The following SGMS1 variants were observed in gnomAD, a reference collection of about 807,000 sequenced individuals.
SGMS1 encodes the protein sphingomyelin synthase 1.
SGMS1 carries 13 observed loss-of-function variants against 46.2 expected under a neutral mutation model. The ratio of observed to expected loss-of-function variants is 0.28; its 90% CI spans 0.18 to 0.45. The LOEUF (loss-of-function observed/expected upper bound fraction) is 0.45. Ranked by LOEUF, SGMS1 falls within the 20% of genes least tolerant of loss-of-function variation. The pLI is 1.00. For missense variants in SGMS1, 324 were observed against 519.9 expected (o/e 0.62, Z 3.66); for synonymous variants, 203 against 187.8 (o/e 1.08, Z -0.66).
intron 1 of SGMS1, among the ~76,000 whole-genome samples, chr10:50,617,003 G>T (rs1043361021): frequency 1.3e-5 from 2 of 152,020 alleles, no homozygotes; most frequent in Non-Finnish European, 2.9e-5. Flanking sequence ...AAATAACCAA[G>T]TCAAAGTATA....
Position 50,343,977 on chromosome 10 carries a change from T to C in SGMS1, c.138A>G (p.Lys46=). Residue 46 remains lysine (K), a synonymous_variant, in exon 7 of 11, where the codon AAA becomes AAG. Transcript: ENST00000361781. ...LINLTQEDFK[K]PPLCRVSSDN... Reference sequence around the variant, plus strand: ...CAGAGGAGACTCGGCACAAGGGGGGTTTTTTGAAATCCTCTTGGGTTAGGT... The same window carrying C: ...CAGAGGAGACTCGGCACAAGGGGGGCTTTTTGAAATCCTCTTGGGTTAGGT... 6.2e-7 allele frequency: 1 copy of C among 1,612,280 alleles called. No homozygotes were observed. The highest frequency in any genetic ancestry group is 8.5e-7 in the Non-Finnish European group (1 of 1,179,342).
chr10:50,411,172 C>T (rs1849093220), intron 6 of SGMS1, among the ~76,000 whole-genome samples: 1 of 152,024 alleles, frequency 6.6e-6, no homozygotes, highest in South Asian at 2.1e-4. Context: ...GAAGGAGGGA[C>T]CTCTTGAAAA....
chr10:50,350,709 G>C (rs897342997), intron 6 of SGMS1, among the ~76,000 whole-genome samples: 2 of 152,188 alleles, frequency 1.3e-5, no homozygotes, highest in African/African-American at 4.8e-5. Flanking sequence ...TCCCCATTGT[G>C]TTGAGCCTGC....
chr10:50,442,757 G>T (rs534998397), intron 5 of SGMS1, among the ~76,000 whole-genome samples: 12 of 152,240 alleles, frequency 7.9e-5, no homozygotes, highest in South Asian at 2.1e-4. Flanking sequence ...ATAGATTCTG[G>T]ATATTAGACC....
At chr10:50,498,195 A>G (rs1837631469) in intron 3 of SGMS1, among the ~76,000 whole-genome samples, 1 of 152,234 alleles carries the variant, frequency 6.6e-6, no homozygotes, top group Admixed American at 6.5e-5. Context: ...GGAGGGGATC[A>G]TGGTAACTTA....
At chr10:50,375,734 T>G (rs912230219) in intron 6 of SGMS1, among the ~76,000 whole-genome samples, 1 of 152,204 alleles carries the variant, frequency 6.6e-6, no homozygotes. Context: ...CAAACACTAG[T>G]GTGCCCAGAT....
chr10:50,352,753 C>T (rs534736692), intron 6 of SGMS1, among the ~76,000 whole-genome samples: 96 of 152,184 alleles, frequency 6.3e-4, no homozygotes, highest in Non-Finnish European at 7.2e-4. Flanking sequence ...TAAAAAGTTT[C>T]TTAAAATTAT....
At chr10:50,615,009 C>T (rs750006358) in intron 1 of SGMS1, among the ~76,000 whole-genome samples, 4 of 152,248 alleles carry the variant, frequency 2.6e-5, no homozygotes, top group Admixed American at 1.3e-4. Flanking sequence ...GCCAAAAGGT[C>T]TAATCAGAAC....
chr10:50,521,254 T>C (rs1837854656), intron 2 of SGMS1, among the ~76,000 whole-genome samples: 1 of 152,206 alleles, frequency 6.6e-6, no homozygotes, highest in Admixed American at 6.5e-5. Flanking sequence ...AGGTACTTTT[T>C]ACCCAGATTC....
intron 3 of SGMS1, among the ~76,000 whole-genome samples, chr10:50,475,088 C>A (rs1837408465): frequency 6.6e-6 from 1 of 152,104 alleles, no homozygotes. Context: ...TCCAGAATAT[C>A]CAAGTCAATA....
At chr10:50,561,618 C>G (rs9919413) in intron 2 of SGMS1, among the ~76,000 whole-genome samples, 6 of 152,152 alleles carry the variant, frequency 3.9e-5, no homozygotes, top group Non-Finnish European at 7.4e-5. Flanking sequence ...CCACAGACAC[C>G]GATTACAGAC....
intron 3 of SGMS1, among the ~76,000 whole-genome samples, chr10:50,507,863 C>T (rs1837721022): frequency 6.6e-6 from 1 of 152,142 alleles, no homozygotes; most frequent in Admixed American, 6.5e-5. Flanking sequence ...ACCCTAATAC[C>T]CTGGAATGGC....
chr10:50,471,228 T>A (rs886068538), intron 3 of SGMS1, among the ~76,000 whole-genome samples: 1 of 152,158 alleles, frequency 6.6e-6, no homozygotes, highest in Non-Finnish European at 1.5e-5. Context: ...ACCAAGTGCC[T>A]TTGCTTAATG....
intron 1 of SGMS1, among the ~76,000 whole-genome samples, chr10:50,611,309 T>C (rs1472757606): frequency 6.6e-6 from 1 of 152,194 alleles, no homozygotes; most frequent in Non-Finnish European, 1.5e-5. Flanking sequence ...CCTGTACTAC[T>C]GTGGACACAC....
At chr10:50,349,871 A>G (rs1847976949) in intron 6 of SGMS1, among the ~76,000 whole-genome samples, 1 of 152,220 alleles carries the variant, frequency 6.6e-6, no homozygotes, top group South Asian at 2.1e-4. Context: ...CTTTATCAGC[A>G]GCATGAAAAC....
chr10:50,568,785 C>T (rs1226241913), intron 2 of SGMS1, among the ~76,000 whole-genome samples: 1 of 152,218 alleles, frequency 6.6e-6, no homozygotes, highest in Non-Finnish European at 1.5e-5. Flanking sequence ...AGTACACCAA[C>T]GTGTCATTTC....
At chr10:50,568,793 T>C (rs1288293138) in intron 2 of SGMS1, among the ~76,000 whole-genome samples, 1 of 152,222 alleles carries the variant, frequency 6.6e-6, no homozygotes, top group Non-Finnish European at 1.5e-5. Context: ...AACGTGTCAT[T>C]TCTTTGTTGA....
intron 5 of SGMS1, among the ~76,000 whole-genome samples, 188 bp downstream of exon 5, chr10:50,460,485 C>G (rs1479810614): frequency 6.6e-6 from 1 of 152,186 alleles, no homozygotes. Flanking sequence ...CAAAGAGTGA[C>G]GAGTGATATC....
intron 2 of SGMS1, among the ~76,000 whole-genome samples, chr10:50,585,122 T>G (rs1023844829): frequency 2.0e-5 from 3 of 152,270 alleles, no homozygotes; most frequent in Non-Finnish European, 4.4e-5. Flanking sequence ...CTTTTATGAC[T>G]TTGATAAGCA....
Sources: gnomAD v4.1 joint callset for allele counts (sites outside exome capture counted in the v4.1 genomes callset) on GRCh38, gnomAD v4.1.1 for gene constraint, MANE v1.5 for transcripts, NCBI Gene and HGNC (gene_info 2026-07-23, HGNC 2026-07-21) for gene names.